TMC1: variants seen among roughly 807,000 people sequenced by gnomAD.
TMC1 encodes the protein transmembrane channel like 1.
In TMC1, 84 loss-of-function variants were observed where a neutral mutation model predicts 105.8. The observed-to-expected ratio is 0.79, with a 90% CI of 0.67 to 0.95. TMC1 has a LOEUF of 0.95. Among genes scored for constraint, TMC1 ranks in the 40% least tolerant of loss-of-function variants. The pLI, the probability that TMC1 is intolerant of heterozygous loss-of-function variation, is 0.00. For synonymous variants in TMC1, 315 were observed against 311.5 expected (o/e 1.01, Z -0.12); for missense variants, 817 against 914.1 (o/e 0.89, Z 1.37).
chr9:72,601,733 C>T (rs1312658405), intron 2 of TMC1, among the ~76,000 whole-genome samples: 3 of 151,950 alleles, frequency 2.0e-5, no homozygotes, highest in Middle Eastern at 3.2e-3. Context: ...GTTTCATATA[C>T]TTGGGAGGCT....
chr9:72,796,509 A>C (rs1220690508), intron 17 of TMC1, among the ~76,000 whole-genome samples: 1 of 152,174 alleles, frequency 6.6e-6, no homozygotes, highest in Non-Finnish European at 1.5e-5. Flanking sequence ...CAGCACATCA[A>C]ATGGCTAATC....
At chr9:72,806,659 G>C (rs981261969) in intron 18 of TMC1, among the ~76,000 whole-genome samples, 2 of 149,174 alleles carry the variant, frequency 1.3e-5, no homozygotes, top group African/African-American at 4.9e-5. Flanking sequence ...TCACATCCCA[G>C]ATGATGGGCG....
intron 8 of TMC1, among the ~76,000 whole-genome samples, chr9:72,735,608 C>T (rs758760942): frequency 4.6e-5 from 7 of 152,246 alleles, no homozygotes; most frequent in Admixed American, 1.3e-4. Context: ...TTAAGAAATA[C>T]GTTATCAAGG....
intron 5 of TMC1, among the ~76,000 whole-genome samples, chr9:72,671,883 T>C (rs578060944): frequency 1.3e-5 from 2 of 152,302 alleles, no homozygotes; most frequent in African/African-American, 4.8e-5. Context: ...TATAAAGTTA[T>C]CCTTACTGAA....
At chr9:72,830,379 A>G (rs1421662181) in intron 21 of TMC1, 72 bp from the exon 22 acceptor site, 1 of 976,960 alleles carries the variant, frequency 1.0e-6, no homozygotes, top group African/African-American at 1.6e-5. Flanking sequence ...TAATTTACTT[A>G]ATGTAAATTT....
chr9:72,801,781 T>C (rs1186042661), intron 17 of TMC1, among the ~76,000 whole-genome samples: 2 of 152,224 alleles, frequency 1.3e-5, no homozygotes, highest in Non-Finnish European at 2.9e-5. Context: ...ATCCTTGAGA[T>C]TGGCTGGGCT....
intron 5 of TMC1, among the ~76,000 whole-genome samples, chr9:72,677,751 G>A (rs1249791992): frequency 2.6e-5 from 4 of 151,292 alleles, no homozygotes; most frequent in African/African-American, 9.8e-5. Flanking sequence ...TTCTCTGAAT[G>A]CAGACTCATG....
intron 4 of TMC1, among the ~76,000 whole-genome samples, chr9:72,647,586 C>G (rs986686495): frequency 1.3e-5 from 2 of 152,100 alleles, no homozygotes; most frequent in African/African-American, 4.8e-5. Flanking sequence ...AATTAAAATC[C>G]AGTATCTAGA....
chr9:72,539,550 G>A (rs1564397760), intron 1 of TMC1, among the ~76,000 whole-genome samples: 3 of 152,030 alleles, frequency 2.0e-5, no homozygotes, highest in Non-Finnish European at 2.9e-5. Context: ...CTTTGCTCTA[G>A]TTCCCAGTAA....
chr9:72,838,246 T>C lies in TMC1; in HGVS notation c.*2273T>C, dbSNP rs1829155069. ...TTGATAGGCTGAGTTTATTGTTTAA[T>C]TAGATTATAATGCAGATGAGTAAAT... is the stretch of plus-strand genomic sequence containing the variant. On this transcript the variant is annotated 3_prime_UTR_variant, in exon 24 of 24. Transcript: ENST00000297784. 6.6e-6 allele frequency: 1 copy of C among 152,258 alleles called. No homozygotes were observed. Among genetic ancestry groups the C allele is most frequent in the African/African-American group, 2.4e-5 (1 of 41,470 alleles). 9.4% of individuals were successfully genotyped at this position (152,258 alleles called of 1,614,324 possible).
At chr9:72,557,157 G>A (rs991177262) in intron 1 of TMC1, among the ~76,000 whole-genome samples, 3 of 152,198 alleles carry the variant, frequency 2.0e-5, no homozygotes, top group African/African-American at 7.2e-5. Context: ...GATCACCTGA[G>A]GCCAGTAGCT....
At chr9:72,704,978 A>G (rs1826711283) in intron 8 of TMC1, among the ~76,000 whole-genome samples, 4 of 151,960 alleles carry the variant, frequency 2.6e-5, no homozygotes, top group Admixed American at 2.0e-4. Flanking sequence ...AAACAGTGTC[A>G]TATTTTCCAA....
intron 1 of TMC1, among the ~76,000 whole-genome samples, chr9:72,562,934 A>G (rs1353500800): frequency 6.6e-6 from 1 of 152,136 alleles, no homozygotes; most frequent in Non-Finnish European, 1.5e-5. Flanking sequence ...GTGAGATGAG[A>G]TCACTGGGTA....
intron 1 of TMC1, among the ~76,000 whole-genome samples, chr9:72,529,009 A>G (rs1823452143): frequency 6.6e-6 from 1 of 151,920 alleles, no homozygotes; most frequent in Non-Finnish European, 1.5e-5. Flanking sequence ...CTTACAGAGC[A>G]TTCATATTGT....
chr9:72,777,882 G>C (rs914776841), intron 13 of TMC1, among the ~76,000 whole-genome samples: 1 of 152,234 alleles, frequency 6.6e-6, no homozygotes, highest in Non-Finnish European at 1.5e-5. Flanking sequence ...AATTTATGCT[G>C]TATGTATTTA....
chr9:72,601,391 C>T (rs1824813658), intron 2 of TMC1, among the ~76,000 whole-genome samples: 1 of 150,774 alleles, frequency 6.6e-6, no homozygotes, highest in Admixed American at 6.6e-5. Flanking sequence ...TGCCTATAGT[C>T]CCAGCACTTT....
chr9:72,816,566 C>T (rs1828791806), intron 19 of TMC1, among the ~76,000 whole-genome samples: 1 of 151,998 alleles, frequency 6.6e-6, no homozygotes, highest in African/African-American at 2.4e-5. Flanking sequence ...AACATAAGGC[C>T]TTTCCGAGAG....
At chr9:72,560,478 T>C (rs942696460) in intron 1 of TMC1, among the ~76,000 whole-genome samples, 1 of 152,140 alleles carries the variant, frequency 6.6e-6, no homozygotes, top group African/African-American at 2.4e-5. Context: ...GTGTCTGTGA[T>C]GGAGTTGTTG....
intron 2 of TMC1, among the ~76,000 whole-genome samples, chr9:72,609,890 C>T (rs73651608): frequency 0.023 from 3,536 of 152,196 alleles, 149 homozygotes; most frequent in African/African-American, 0.08. Context: ...CATCAAGAAG[C>T]CTTCCCTAGC....
Sources: allele counts gnomAD v4.1 joint callset (sites outside exome capture counted in the v4.1 genomes callset), GRCh38; gene constraint gnomAD v4.1.1; transcripts MANE v1.5; gene names NCBI Gene and HGNC (gene_info 2026-07-23, HGNC 2026-07-21).